Variants in ACSF2 observed in about 807,000 individuals in gnomAD.
ACSF2 encodes the protein medium-chain acyl-CoA ligase ACSF2, mitochondrial.
ACSF2 carries 52 observed loss-of-function variants against 79.3 expected under a neutral mutation model. The ratio of observed to expected loss-of-function variants is 0.66; its 90% CI spans 0.53 to 0.83. The LOEUF is 0.83. ACSF2 is among the 40% of genes least tolerant of loss of function. ACSF2 has a pLI of 0.00. For missense variants in ACSF2, 661 were observed against 803.3 expected, an observed-to-expected ratio of 0.82 and a Z score of 2.14; for synonymous variants, 283 against 312.6, an observed-to-expected ratio of 0.91 and a Z score of 1.00.
intron 10 of ACSF2, chr17:50,465,281 A>G: frequency 6.2e-7 from 1 of 1,613,900 alleles, no homozygotes; most frequent in Non-Finnish European, 8.5e-7. Context: ...GGACCTGTTT[A>G]CCTGGCCCCC....
intron 12 of ACSF2, 159 bp downstream of exon 12, chr17:50,472,738 T>C: frequency 4.8e-6 from 4 of 827,486 alleles, no homozygotes; most frequent in Non-Finnish European, 7.1e-6. Flanking sequence ...ACGGTGGGGA[T>C]GATCATACAT....
At chr17:50,426,519 GC>G in intron 1 of ACSF2, 130 bp downstream of exon 1, 3 of 1,113,986 alleles carry the variant, frequency 2.7e-6, no homozygotes, top group East Asian at 3.1e-5. Flanking sequence ...CCCCTCCCCC[GC>G]CCCCCGCCAG....
chr17:50,472,873 T>G (rs778883000), intron 12 of ACSF2: 12 of 265,108 alleles, frequency 4.5e-5, no homozygotes, highest in Admixed American at 1.7e-4. Flanking sequence ...CTAGCACCGT[T>G]CTCGCCGCTA....
intron 1 of ACSF2, among the ~76,000 whole-genome samples, chr17:50,438,886 G>T (rs2030651076): frequency 1.3e-5 from 2 of 152,010 alleles, no homozygotes; most frequent in African/African-American, 4.8e-5. Context: ...TTCAATCTAA[G>T]GTTGATTGAA....
intron 1 of ACSF2, among the ~76,000 whole-genome samples, chr17:50,436,350 C>T (rs1869747792): frequency 6.6e-6 from 1 of 151,790 alleles, no homozygotes; most frequent in South Asian, 2.1e-4. Flanking sequence ...AAGTTGGTCT[C>T]GATCTCCTGA....
chr17:50,457,741 G>A (rs898201981), intron 1 of ACSF2, among the ~76,000 whole-genome samples: 29 of 152,194 alleles, frequency 1.9e-4, no homozygotes, highest in Admixed American at 1.4e-3. Context: ...AGAGGGCTGG[G>A]AGCAGTGTCT....
At position 50,473,570 on chromosome 17, in the gene ACSF2, A is replaced by G. The variant is rs976223104; in HGVS notation, c.1476-95A>G. ...CTCCCAGAGTCTAGAGCAGTGGAAG[A>G]CACATAGTAGCTGGTCAATAAATGT... is the stretch of plus-strand genomic sequence containing the variant. On this transcript the variant is annotated intron_variant, in intron 12 of 15. Transcript: ENST00000300441. 4 of 1,553,432 alleles carry G rather than the reference A, an allele frequency of 2.6e-6. No homozygotes were observed. The Admixed American group carries it at 6.8e-5, about 26-fold the overall frequency.
intron 1 of ACSF2, among the ~76,000 whole-genome samples, chr17:50,438,220 C>T (rs1430103013): frequency 1.3e-5 from 2 of 152,090 alleles, no homozygotes; most frequent in Non-Finnish European, 2.9e-5. Flanking sequence ...CTTATAATAC[C>T]TAATACAGTA....
At chr17:50,466,129 C>T (rs1003178787) in intron 10 of ACSF2, among the ~76,000 whole-genome samples, 2 of 148,378 alleles carry the variant, frequency 1.3e-5, no homozygotes, top group Admixed American at 6.7e-5. Flanking sequence ...CTGTGTTGCC[C>T]AGGCTGGAGC....
In ACSF2 at chr17:50,446,123, T is replaced by C. The variant is rs1188136442; in HGVS notation, c.129-14554T>C. The stretch of plus-strand genomic sequence containing the variant: ...GCTTGCCCAGCTTTATTTATTAATG[T>C]ATATATTTTGCACAGATGTGCTATG... On this transcript the variant is annotated intron_variant, in intron 1 of 15. Transcript: ENST00000300441. Among the ~76,000 whole-genome samples the C allele has an allele frequency of 2.0e-5, 3 of 152,250 alleles. No homozygotes were observed. In the East Asian group the frequency reaches 5.8e-4, roughly 29 times the overall value.
Position 50,437,129 on chromosome 17 carries a change from G to T in ACSF2, c.128+10740G>T, listed in dbSNP as rs566114140. Among the ~76,000 whole-genome samples the T allele has an allele frequency of 5.3e-5, 8 of 152,300 alleles. No homozygotes were observed. The East Asian group carries it at 1.2e-3, about 22-fold the overall frequency. On this transcript the variant is annotated intron_variant, in intron 1 of 15. Transcript: ENST00000300441. ...AGAGGATGCAGCCCCATGGCATGTGGCTTGGCGAGTGGCACATGGACTAGA... is the reference window on the plus strand; with the variant it reads ...AGAGGATGCAGCCCCATGGCATGTGTCTTGGCGAGTGGCACATGGACTAGA...
At chr17:50,447,629 CT>C (rs1258155022) in intron 1 of ACSF2, among the ~76,000 whole-genome samples, 2 of 151,862 alleles carry the variant, frequency 1.3e-5, no homozygotes, top group Non-Finnish European at 2.9e-5. Context: ...GAGTTTTTTT[CT>C]TTTTTTGTTC....
chr17:50,466,236 G>A (rs146038508), intron 10 of ACSF2, among the ~76,000 whole-genome samples: 16 of 150,948 alleles, frequency 1.1e-4, no homozygotes, highest in African/African-American at 2.9e-4. Context: ...ACAAGTGCCC[G>A]CCACCATGCC....
Position 50,471,348 on chromosome 17 carries a change from GCT to G in ACSF2, c.1323+214_1323+215del. 1.8e-6 allele frequency: 1 copy of G among 546,120 alleles called. No homozygotes were observed. Among genetic ancestry groups the G allele is most frequent in the Non-Finnish European group, 3.3e-6 (1 of 302,476 alleles). The allele number at this position is 546,120 out of a possible 1,614,324, so 33.8% of individuals were successfully genotyped here. ...AGAGCTGGAACAGTGGCTGTGAGCG[GCT>G]GCCAGCTGAACTTCTCCGCGGCCTC... is the stretch of plus-strand genomic sequence containing the variant. On this transcript the variant is annotated intron_variant, in intron 11 of 15. Transcript: ENST00000300441. This position sits in a 1 kb window ranked among gnomAD's most constrained non-coding sequence, Gnocchi z 4.1.
At chr17:50,433,866 C>T (rs553693870) in intron 1 of ACSF2, among the ~76,000 whole-genome samples, 2 of 151,784 alleles carry the variant, frequency 1.3e-5, no homozygotes, top group Admixed American at 1.3e-4. Flanking sequence ...CTCAAGCGAT[C>T]CTCCCAACTC....
At position 50,464,748 on chromosome 17, in the gene ACSF2, C is replaced by G. The variant is rs889390014; in HGVS notation, c.1215+454C>G. 1.9e-5 allele frequency: 6 copies of G among 324,144 alleles called. No individual in the cohort carries two copies. The Admixed American group carries it at 2.2e-4, about 12-fold the overall frequency. 20.1% of individuals were successfully genotyped at this position (324,144 alleles called of 1,614,324 possible). On this transcript the variant is annotated intron_variant, in intron 10 of 15. Transcript: ENST00000300441. ...GAGGGTGGCCATCCTGATGACCAAC[C>G]TGTTGTGGTTCTGATTGACTTGGGG...
At chr17:50,468,304 G>A in intron 10 of ACSF2, 1 of 1,613,922 alleles carries the variant, frequency 6.2e-7, no homozygotes, top group Non-Finnish European at 8.5e-7. Flanking sequence ...GCAGGTCCTT[G>A]GCTCCCTGGA....
At chr17:50,428,286 T>TGAAG (rs1915194134) in intron 1 of ACSF2, among the ~76,000 whole-genome samples, 12 of 151,652 alleles carry the variant, frequency 7.9e-5, no homozygotes, top group African/African-American at 2.9e-4. Context: ...AGGAGACCGG[T>TGAAG]TTGGCCAACA....
At chr17:50,457,987 C>T (rs1390493628) in intron 1 of ACSF2, among the ~76,000 whole-genome samples, 8 of 152,192 alleles carry the variant, frequency 5.3e-5, no homozygotes, top group Non-Finnish European at 1.0e-4. Flanking sequence ...AATGAGTAGG[C>T]ATTGCAGGGG....
Sources: allele counts gnomAD v4.1 joint callset (sites outside exome capture counted in the v4.1 genomes callset), GRCh38; gene constraint gnomAD v4.1.1; non-coding constraint Gnocchi (gnomAD v3.1); transcripts MANE v1.5; gene names NCBI Gene and HGNC (gene_info 2026-07-23, HGNC 2026-07-21).